OTUD7A: variants seen among roughly 807,000 people sequenced by gnomAD.
The protein encoded by OTUD7A is OTU deubiquitinase 7A.
Under a neutral mutation model 65.7 loss-of-function variants are expected in OTUD7A, and 12 were observed. That is an observed-to-expected ratio of 0.18 (90% confidence interval 0.12 to 0.30). The LOEUF is 0.30. Ranked by LOEUF, OTUD7A falls within the 10% of genes least tolerant of loss-of-function variation. The pLI is 1.00. For synonymous variants in OTUD7A, 641 were observed against 586.3 expected, an observed-to-expected ratio of 1.09 and a Z score of -1.35; for missense variants, 1,148 against 1,304.8, an observed-to-expected ratio of 0.88 and a Z score of 1.85.
At chr15:31,564,125 T>G (rs1043023993) in intron 4 of OTUD7A, among the ~76,000 whole-genome samples, 5 of 152,054 alleles carry the variant, frequency 3.3e-5, no homozygotes, top group African/African-American at 1.2e-4. Flanking sequence ...AAAATGTTAA[T>G]GGGACTAATA....
chr15:31,667,512 G>A (rs1356259356), intron 1 of OTUD7A, among the ~76,000 whole-genome samples: 8 of 152,136 alleles, frequency 5.3e-5, no homozygotes, highest in Non-Finnish European at 8.8e-5. Flanking sequence ...TTAAGTTTAC[G>A]TGAGTCCTTA....
At chr15:31,669,580 C>T (rs948998060) in intron 1 of OTUD7A, among the ~76,000 whole-genome samples, 2 of 152,306 alleles carry the variant, frequency 1.3e-5, no homozygotes, top group East Asian at 1.9e-4. Flanking sequence ...TGCTTCCCAG[C>T]TAGAAAGAAA....
intron 3 of OTUD7A, among the ~76,000 whole-genome samples, chr15:31,646,932 G>C (rs1223223326): frequency 6.6e-6 from 1 of 152,178 alleles, no homozygotes; most frequent in Non-Finnish European, 1.5e-5. Context: ...TAATGGGTCT[G>C]TTTAAGAGTA....
At position 31,527,329 on chromosome 15, in the gene OTUD7A, A is replaced by G. The variant is rs2042028756; in HGVS notation, c.653-21T>C. The G allele has an allele frequency of 5.0e-6, 8 of 1,611,880 alleles. No individual in the cohort carries two copies. In the East Asian group the frequency reaches 1.8e-4, roughly 36 times the overall value. ...CATTCCTGGAGCCAGGAGGCCAGGG[A>G]GAACAGAGGAGAGAAAGGACATGAG... is the stretch of plus-strand genomic sequence containing the variant. On this transcript the variant is annotated intron_variant, in intron 6 of 12. Transcript: ENST00000307050.
intron 1 of OTUD7A, chr15:31,766,438 C>A: frequency 6.3e-7 from 1 of 1,582,226 alleles, no homozygotes; most frequent in Non-Finnish European, 8.7e-7. Context: ...CCAGTCAACA[C>A]AGAAGAAGCT....
At chr15:31,789,869 T>C (rs561195092) in intron 1 of OTUD7A, among the ~76,000 whole-genome samples, 2 of 152,196 alleles carry the variant, frequency 1.3e-5, no homozygotes, top group South Asian at 4.2e-4. Context: ...AAACCCTATC[T>C]CTACTAAAAA....
intron 1 of OTUD7A, among the ~76,000 whole-genome samples, chr15:31,823,358 C>T (rs536243887): frequency 6.6e-5 from 10 of 152,314 alleles, no homozygotes; most frequent in Admixed American, 2.0e-4. Flanking sequence ...GAGCATTCCA[C>T]ATGTTAGCCA....
At chr15:31,749,666 C>T (rs1461085216) in intron 1 of OTUD7A, among the ~76,000 whole-genome samples, 1 of 152,148 alleles carries the variant, frequency 6.6e-6, no homozygotes, top group African/African-American at 2.4e-5. Context: ...TGCCCACTTT[C>T]ACCACTCGTA....
At chr15:31,683,865 T>C (rs1319129821) in intron 1 of OTUD7A, among the ~76,000 whole-genome samples, 1 of 152,170 alleles carries the variant, frequency 6.6e-6, no homozygotes, top group Non-Finnish European at 1.5e-5. Flanking sequence ...AACTGATGAC[T>C]ATGAAGTCCA....
At chr15:31,677,414 A>G (rs914706958) in intron 1 of OTUD7A, among the ~76,000 whole-genome samples, 5 of 152,152 alleles carry the variant, frequency 3.3e-5, no homozygotes, top group African/African-American at 1.2e-4. Flanking sequence ...TCCATCCAAT[A>G]TGGTTTGGCT....
At chr15:31,817,937 G>A (rs1896590646) in intron 1 of OTUD7A, among the ~76,000 whole-genome samples, 1 of 152,216 alleles carries the variant, frequency 6.6e-6, no homozygotes, top group Non-Finnish European at 1.5e-5. Context: ...AGTCATGAGG[G>A]CCTCCCACTC....
At chr15:31,865,232 T>C (rs1045718162) in intron 1 of OTUD7A, among the ~76,000 whole-genome samples, 3 of 152,234 alleles carry the variant, frequency 2.0e-5, no homozygotes, top group Non-Finnish European at 4.4e-5. Flanking sequence ...AAACAATTTT[T>C]GTAAAAGGCA....
rs545373777 is a variant in OTUD7A, at chr15:31,664,756, T to C, written c.-99-7679A>G. Among the ~76,000 whole-genome samples, 80 of 152,302 alleles carry C rather than the reference T, an allele frequency of 5.3e-4. 1 individual carries two copies. Among genetic ancestry groups the C allele is most frequent in the African/African-American group, 1.7e-3 (70 of 41,556 alleles). On this transcript the variant is annotated intron_variant, in intron 1 of 12. Transcript: ENST00000307050. ...CTAAGCCAATGTCTACAAGGGGTTT[T>C]CCAATGTTATCTTCTAGAACTTTTA...
intron 8 of OTUD7A, among the ~76,000 whole-genome samples, chr15:31,520,279 C>CA: frequency 1.3e-5 from 2 of 150,768 alleles, no homozygotes; most frequent in South Asian, 4.2e-4. Flanking sequence ...GGTATTGGTA[C>CA]AAAAACAGAC....
chr15:31,777,015 A>C (rs1282688231), intron 1 of OTUD7A, among the ~76,000 whole-genome samples: 1 of 152,074 alleles, frequency 6.6e-6, no homozygotes, highest in African/African-American at 2.4e-5. Context: ...TTACAAGGCC[A>C]CCTGCCCCCT....
At chr15:31,688,456 A>G (rs942119856) in intron 1 of OTUD7A, among the ~76,000 whole-genome samples, 1 of 152,008 alleles carries the variant, frequency 6.6e-6, no homozygotes, top group Non-Finnish European at 1.5e-5. Context: ...GAGAAAAACG[A>G]AAGCAGGCCT....
chr15:31,629,076 C>A (rs543682069), intron 3 of OTUD7A, among the ~76,000 whole-genome samples: 3 of 152,114 alleles, frequency 2.0e-5, no homozygotes, highest in African/African-American at 7.2e-5. Flanking sequence ...TAATTGAATA[C>A]CCTTTATTTC....
chr15:31,869,997 C>T (rs1428463636), intron 1 of OTUD7A, among the ~76,000 whole-genome samples: 4 of 151,792 alleles, frequency 2.6e-5, no homozygotes, highest in Non-Finnish European at 2.9e-5. Flanking sequence ...GGCGGTGCGC[C>T]GGGCCGCGGG....
At chr15:31,638,969 C>A (rs1044223897) in intron 3 of OTUD7A, among the ~76,000 whole-genome samples, 1 of 152,090 alleles carries the variant, frequency 6.6e-6, no homozygotes, top group Admixed American at 6.5e-5. Flanking sequence ...CCCATCTCTA[C>A]TAAAAATACA....
Sources: allele counts gnomAD v4.1 joint callset (sites outside exome capture counted in the v4.1 genomes callset), GRCh38; gene constraint gnomAD v4.1.1; transcripts MANE v1.5; gene names NCBI Gene and HGNC (gene_info 2026-07-23, HGNC 2026-07-21).